The following JAKMIP1 variants were observed in gnomAD, a reference collection of about 807,000 sequenced individuals.
JAKMIP1 encodes janus kinase and microtubule-interacting protein 1.
In JAKMIP1, 33 loss-of-function variants were observed where a neutral mutation model predicts 113.0. The observed-to-expected ratio is 0.29, with a 90% confidence interval of 0.22 to 0.39. The LOEUF is 0.39. Ranked by LOEUF, JAKMIP1 falls within the 10% of genes least tolerant of loss-of-function variation. The pLI is 1.00. For synonymous variants in JAKMIP1, 480 were observed against 459.9 expected, an observed-to-expected ratio of 1.04 and a Z score of -0.56; for missense variants, 813 against 1,080.5, an observed-to-expected ratio of 0.75 and a Z score of 3.47.
chr4:6,164,741 G>A (rs147406233), intron 1 of JAKMIP1, among the ~76,000 whole-genome samples: 44 of 152,318 alleles, frequency 2.9e-4, no homozygotes, highest in African/African-American at 9.1e-4. Flanking sequence ...GGATGACTTC[G>A]AGGTCAGAAC....
chr4:6,087,208 G>C (rs909289689), intron 3 of JAKMIP1, among the ~76,000 whole-genome samples: 5 of 152,124 alleles, frequency 3.3e-5, no homozygotes, highest in African/African-American at 1.2e-4. Context: ...CAGAGAATTG[G>C]GGTGAAGGGC....
rs1323343236 is a variant in JAKMIP1, at chr4:6,050,488, TC to T, written c.1908+89del. ...CAAGGGGTATCTCATGAAAATCAAT[TC>T]TATCCCAGCACTCCCCCTTTGCAGC... On this transcript the variant is annotated intron_variant, in intron 14 of 20. Transcript: ENST00000409021. The surrounding 1 kb of genome is among the most constrained non-coding windows in gnomAD (Gnocchi z 7.4). 1 of 869,992 alleles carries T rather than the reference TC, an allele frequency of 1.1e-6. No homozygotes were observed. The highest frequency in any genetic ancestry group is 2.7e-5 in the East Asian group (1 of 37,432). 53.9% of individuals were successfully genotyped at this position (869,992 alleles called of 1,614,324 possible).
chr4:6,038,316 A>C (rs1713829987), intron 18 of JAKMIP1, among the ~76,000 whole-genome samples: 1 of 145,670 alleles, frequency 6.9e-6, no homozygotes, highest in African/African-American at 2.7e-5. Flanking sequence ...GGCAGAGGTT[A>C]ACCCAGTAGC....
Position 6,112,709 on chromosome 4 carries a change from C to A in JAKMIP1, c.129+13G>T, listed in dbSNP as rs374484970. The A allele has an allele frequency of 6.2e-7, 1 of 1,612,302 alleles. No individual in the cohort carries two copies. Among genetic ancestry groups the A allele is most frequent in the South Asian group, 1.1e-5 (1 of 90,968 alleles). ...TGCAGCCCAGCCGCTGCTGAGCTGACGCCAACCCCCACCTTGCTTTTTTCC... is the reference window on the plus strand; with the variant it reads ...TGCAGCCCAGCCGCTGCTGAGCTGAAGCCAACCCCCACCTTGCTTTTTTCC... On this transcript the variant is annotated intron_variant, in intron 2 of 20. Transcript: ENST00000409021.
At chr4:6,058,711 G>A (rs531150202) in intron 11 of JAKMIP1, among the ~76,000 whole-genome samples, 3 of 152,350 alleles carry the variant, frequency 2.0e-5, no homozygotes, top group East Asian at 1.9e-4. Context: ...CAGGACTGCT[G>A]ACAGGCAGCA....
intron 1 of JAKMIP1, among the ~76,000 whole-genome samples, chr4:6,117,200 G>T (rs555076622): frequency 6.6e-6 from 1 of 152,260 alleles, no homozygotes; most frequent in East Asian, 1.9e-4. Context: ...AAGTGCAGAT[G>T]GTAATTATCG....
In JAKMIP1 at chr4:6,081,674, G is replaced by C. The variant is rs1422352987; in HGVS notation, c.1036C>G (p.Leu346Val). ...NKRMNKKNED[L>V]LQSIQRMEEK... The stretch of plus-strand genomic sequence containing the variant: ...TCCATCCTCTGGATACTCTGCAACA[G>C]ATCCTCATTCTTCTTGTTCATCCGC... Residue 346 changes from leucine (L) to valine (V), a missense_variant, in exon 6 of 21, where the codon CTG becomes GTG. This residue lies in a region of JAKMIP1 where 540 missense variants were observed against 653.9 expected (regional missense o/e 0.83). Transcript: ENST00000409021. The surrounding 1 kb of genome is among the most constrained non-coding windows in gnomAD (Gnocchi z 4.6). 1 of 1,614,218 alleles carries C rather than the reference G, an allele frequency of 6.2e-7. No individual in the cohort carries two copies. Among genetic ancestry groups the C allele is most frequent in the East Asian group, 2.2e-5 (1 of 44,880 alleles).
intron 2 of JAKMIP1, among the ~76,000 whole-genome samples, chr4:6,109,989 T>A (rs571070329): frequency 1.3e-5 from 2 of 152,228 alleles, no homozygotes; most frequent in East Asian, 1.9e-4. Context: ...CAAGTGGAAA[T>A]TGCCACACGT....
intron 1 of JAKMIP1, among the ~76,000 whole-genome samples, chr4:6,172,907 G>C (rs1293881320): frequency 6.6e-6 from 1 of 152,148 alleles, no homozygotes. Context: ...CACTACCCAA[G>C]ATCAGTCAAA....
chr4:6,049,699 T>C lies in JAKMIP1; in HGVS notation c.1962+120A>G. ...ACACGGCCATACAAAAGCCTTACATTGTACTTCTTAGATCTCTTACATCAG... is the reference window on the plus strand; with the variant it reads ...ACACGGCCATACAAAAGCCTTACATCGTACTTCTTAGATCTCTTACATCAG... On this transcript the variant is annotated intron_variant, in intron 15 of 20. Coordinates refer to ENST00000409021, the MANE Select transcript of JAKMIP1 (RefSeq NM_001099433.2). This position sits in a 1 kb window ranked among gnomAD's most constrained non-coding sequence, Gnocchi z 7.0. 1 of 767,942 alleles carries C rather than the reference T, an allele frequency of 1.3e-6. No homozygotes were observed. The highest frequency in any genetic ancestry group is 2.2e-6 in the Non-Finnish European group (1 of 457,360). 47.6% of individuals were successfully genotyped at this position (767,942 alleles called of 1,614,324 possible). A position where few individuals can be genotyped will look rare whatever the true frequency, so the allele number is the denominator to read the frequency against.
In JAKMIP1 at chr4:6,105,699, A is replaced by G; in HGVS notation, c.398T>C (p.Leu133Pro). 2 of 1,603,842 alleles carry G rather than the reference A, an allele frequency of 1.2e-6. No homozygotes were observed. Among genetic ancestry groups the G allele is most frequent in the South Asian group, 1.1e-5 (1 of 90,456 alleles). The change falls in exon 3 of 21, where the codon CTG becomes CCG. Residue 133 changes from leucine (L) to proline (P), a missense_variant. By Grantham distance (98) the Leu-to-Pro change is moderately conservative. This residue lies in a region of JAKMIP1 where 540 missense variants were observed against 653.9 expected (regional missense o/e 0.83). Transcript: ENST00000409021. Reference sequence around the variant, plus strand: ...GCGCGCCTCCTCGCGCGCCTCGGTCAGCAGCGCCGTCTTGACCTTGTCGGC... The same window carrying G: ...GCGCGCCTCCTCGCGCGCCTCGGTCGGCAGCGCCGTCTTGACCTTGTCGGC... ...GAADKVKTAL[L>P]TEAREEARRA... is the part of the protein sequence containing the mutation.
intron 1 of JAKMIP1, among the ~76,000 whole-genome samples, chr4:6,166,010 C>T (rs1723587819): frequency 6.6e-6 from 1 of 152,174 alleles, no homozygotes; most frequent in Non-Finnish European, 1.5e-5. Context: ...CTCTGCCCTC[C>T]ACTCCACTTT....
At chr4:6,056,856 C>T (rs1166227937) in intron 11 of JAKMIP1, 97 bp from the exon 12 acceptor site, 8 of 849,302 alleles carry the variant, frequency 9.4e-6, no homozygotes, top group African/African-American at 1.7e-5. Context: ...ATGAAACTGA[C>T]CATGGAAAGG....
chr4:6,053,181 A>G (rs1462335955), intron 13 of JAKMIP1, among the ~76,000 whole-genome samples: 1 of 152,258 alleles, frequency 6.6e-6, no homozygotes, highest in Non-Finnish European at 1.5e-5. Flanking sequence ...AAAAAGGATT[A>G]TGAAGTACCA....
Position 6,122,979 on chromosome 4 carries a change from G to T in JAKMIP1, c.-147-9982C>A, listed in dbSNP as rs192952391. Among the ~76,000 whole-genome samples, 12 of 152,318 alleles carry T rather than the reference G, an allele frequency of 7.9e-5. No homozygotes were observed. The East Asian group carries it at 2.1e-3, about 27-fold the overall frequency. ...AGGTATTCAGAACAGGGACCAGACC[G>T]TAATAAGGACTCGGTAACAGTTAAC... On this transcript the variant is annotated intron_variant, in intron 1 of 20. Coordinates refer to ENST00000409021, the MANE Select transcript of JAKMIP1 (RefSeq NM_001099433.2).
Position 6,059,231 on chromosome 4 carries a change from T to C in JAKMIP1, c.1644+1193A>G, listed in dbSNP as rs1716911414. Among the ~76,000 whole-genome samples, 1 of 152,216 alleles carries C rather than the reference T, an allele frequency of 6.6e-6. No individual in the cohort carries two copies. Among genetic ancestry groups the C allele is most frequent in the Non-Finnish European group, 1.5e-5 (1 of 68,036 alleles). On this transcript the variant is annotated intron_variant, in intron 11 of 20. Coordinates refer to ENST00000409021, the MANE Select transcript of JAKMIP1 (RefSeq NM_001099433.2). The surrounding 1 kb of genome is among the most constrained non-coding windows in gnomAD (Gnocchi z 4.8). The stretch of plus-strand genomic sequence containing the variant: ...CCCCACGCAGTCCATTGGTAAAGTC[T>C]GCTGTGGTGACCTGCTCTGTGCCAG...
At chr4:6,034,803 A>AAAAC (rs574374732) in intron 19 of JAKMIP1, among the ~76,000 whole-genome samples, 16 of 152,148 alleles carry the variant, frequency 1.1e-4, no homozygotes, top group East Asian at 3.9e-4. Context: ...TCCATTTCAA[A>AAAAC]AAACAAACAA....
At position 6,138,519 on chromosome 4, in the gene JAKMIP1, G is replaced by A. The variant is rs1158455419; in HGVS notation, c.-147-25522C>T. Among the ~76,000 whole-genome samples the A allele has an allele frequency of 1.3e-5, 2 of 152,130 alleles. No homozygotes were observed. The highest frequency in any genetic ancestry group is 2.9e-5 in the Non-Finnish European group (2 of 68,034). On this transcript the variant is annotated intron_variant, in intron 1 of 20. Transcript: ENST00000409021. This position sits in a 1 kb window ranked among gnomAD's most constrained non-coding sequence, Gnocchi z 6.0. ...CCCAAAATGCTGGGATTACAGGCGT[G>A]AGCCACTGCACCTGGCCTAGAATCC...
intron 1 of JAKMIP1, among the ~76,000 whole-genome samples, chr4:6,125,301 C>G (rs576759937): frequency 1.4e-4 from 22 of 152,186 alleles, no homozygotes; most frequent in African/African-American, 4.8e-4. Flanking sequence ...GACCCCTCAC[C>G]TAGGACCCTC....
Sources: allele counts gnomAD v4.1 joint callset (sites outside exome capture counted in the v4.1 genomes callset), GRCh38; gene constraint gnomAD v4.1.1; regional missense constraint gnomAD v4.1.1; non-coding constraint Gnocchi (gnomAD v3.1); transcripts MANE v1.5; gene names NCBI Gene and HGNC (gene_info 2026-07-23, HGNC 2026-07-21).